The following EEIG2 variants were observed in gnomAD, a reference collection of about 807,000 sequenced individuals.
EEIG2 encodes family with sequence similarity 102 member B.
At chr1:108,639,226 GTTTCC>G in the EEIG2 span, 1 of 129,376 alleles carries the variant, frequency 7.7e-6, no homozygotes, top group African/African-American at 2.9e-5. Context: ...TTCAGGAAAT[GTTTCC>G]TTTTTTTTTT....
chr1:108,561,068 A>G, the EEIG2 span, among the ~76,000 whole-genome samples: 1 of 152,156 alleles, frequency 6.6e-6, no homozygotes, highest in South Asian at 2.1e-4. Flanking sequence ...CAGACGAGAC[A>G]ACGGTCTGTG....
the EEIG2 span, among the ~76,000 whole-genome samples, chr1:108,568,108 G>A: frequency 6.6e-6 from 1 of 152,018 alleles, no homozygotes; most frequent in Admixed American, 6.6e-5. Flanking sequence ...CACATTATTG[G>A]ATAGTCATAT....
the EEIG2 span, among the ~76,000 whole-genome samples, chr1:108,583,801 T>G: frequency 6.6e-6 from 1 of 151,552 alleles, no homozygotes; most frequent in Non-Finnish European, 1.5e-5. Flanking sequence ...AAGCCAACGA[T>G]AGTATGCAGG....
At chr1:108,579,350 T>G in the EEIG2 span, among the ~76,000 whole-genome samples, 5 of 128,212 alleles carry the variant, frequency 3.9e-5, no homozygotes, top group Non-Finnish European at 8.3e-5. Flanking sequence ...AGAAGGCCAT[T>G]ACATAATGGT....
chr1:108,605,757 G>T, the EEIG2 span, among the ~76,000 whole-genome samples: 4 of 152,112 alleles, frequency 2.6e-5, no homozygotes, highest in Admixed American at 6.5e-5. Context: ...CATTAGGTAA[G>T]AGGGTTTGTA....
At chr1:108,636,343 A>C in the EEIG2 span, 1 of 152,262 alleles carries the variant, frequency 6.6e-6, no homozygotes, top group Non-Finnish European at 1.5e-5. Flanking sequence ...AATCACTATT[A>C]GTGAAGAAAA....
the EEIG2 span, among the ~76,000 whole-genome samples, chr1:108,567,468 G>T: frequency 6.6e-6 from 1 of 152,208 alleles, no homozygotes; most frequent in Non-Finnish European, 1.5e-5. Context: ...GTAGAGCTAG[G>T]AGGCATTCTA....
the EEIG2 span, among the ~76,000 whole-genome samples, chr1:108,623,091 G>T: frequency 6.6e-6 from 1 of 151,606 alleles, no homozygotes; most frequent in East Asian, 1.9e-4. Flanking sequence ...TTTTTAGAAG[G>T]TTAGGGATGT....
At chr1:108,588,592 A>G in the EEIG2 span, among the ~76,000 whole-genome samples, 1 of 152,182 alleles carries the variant, frequency 6.6e-6, no homozygotes, top group Non-Finnish European at 1.5e-5. Flanking sequence ...TGTGGGATAA[A>G]CTAGTTAATG....
the EEIG2 span, among the ~76,000 whole-genome samples, chr1:108,620,962 AG>A: frequency 6.6e-6 from 1 of 152,154 alleles, no homozygotes; most frequent in Non-Finnish European, 1.5e-5. Flanking sequence ...ATCTTTACTG[AG>A]AAGGGGACAC....
chr1:108,560,104 G>GGGCGGCAGCGGCGGCGGAGGC, the EEIG2 span: 3 of 175,830 alleles, frequency 1.7e-5, no homozygotes, highest in African/African-American at 5.0e-5. Context: ...ACTCCCAGAC[G>GGGCGGCAGCGGCGGCGGAGGC]GGCGGCAGCG....
At chr1:108,601,998 A>G in the EEIG2 span, among the ~76,000 whole-genome samples, 1 of 152,206 alleles carries the variant, frequency 6.6e-6, no homozygotes, top group Non-Finnish European at 1.5e-5. Flanking sequence ...GACAGAGACC[A>G]TAGTAAACAT....
chr1:108,563,305 A>G, the EEIG2 span, among the ~76,000 whole-genome samples: 1 of 152,334 alleles, frequency 6.6e-6, no homozygotes, highest in East Asian at 1.9e-4. Flanking sequence ...AATTTTGGGC[A>G]TTGAGTCTCT....
the EEIG2 span, among the ~76,000 whole-genome samples, chr1:108,579,633 A>G: frequency 3.3e-5 from 5 of 151,806 alleles, no homozygotes; most frequent in East Asian, 9.7e-4. Context: ...TCAACAGAAT[A>G]TACATTTTTT....
chr1:108,626,475 CTG>C, the EEIG2 span: 14 of 152,218 alleles, frequency 9.2e-5, 1 homozygote, highest in African/African-American at 2.4e-5. Context: ...CCTTTTCCTC[CTG>C]TCTTTTCTAC....
chr1:108,573,360 G>A, the EEIG2 span, among the ~76,000 whole-genome samples: 37 of 152,122 alleles, frequency 2.4e-4, no homozygotes, highest in South Asian at 2.1e-4. Flanking sequence ...TCTTTATTAC[G>A]TAACAGAGAA....
At chr1:108,601,072 A>G in the EEIG2 span, among the ~76,000 whole-genome samples, 1 of 152,158 alleles carries the variant, frequency 6.6e-6, no homozygotes, top group African/African-American at 2.4e-5. Flanking sequence ...TTTTCAGGAA[A>G]ACCAGGGCTC....
the EEIG2 span, among the ~76,000 whole-genome samples, chr1:108,620,857 T>C: frequency 5.3e-5 from 8 of 152,096 alleles, no homozygotes; most frequent in Admixed American, 1.3e-4. Flanking sequence ...TCTGAAGGGA[T>C]TCACTGATTA....
the EEIG2 span, among the ~76,000 whole-genome samples, chr1:108,595,432 A>G: frequency 3.4e-5 from 4 of 119,110 alleles, no homozygotes; most frequent in South Asian, 9.5e-4. Context: ...AGAGGAGGAA[A>G]GGAGGGAGGG....
Sources: gnomAD v4.1 joint callset for allele counts (sites outside exome capture counted in the v4.1 genomes callset) on GRCh38, gnomAD v4.1.1 for gene constraint, MANE v1.5 for transcripts, NCBI Gene and HGNC (gene_info 2026-07-23, HGNC 2026-07-21) for gene names.